The following SNX10 variants were observed in gnomAD, a reference collection of about 807,000 sequenced individuals.
SNX10 encodes sorting nexin 10.
A neutral mutation model predicts 28.5 loss-of-function variants in SNX10; 25 were observed. That is an observed-to-expected ratio of 0.88 (90% CI 0.64 to 1.22). SNX10 has a LOEUF of 1.22. Ranked by LOEUF, SNX10 falls within the 50% of genes most tolerant of loss-of-function variation. The pLI is 0.00. For synonymous variants in SNX10, 62 were observed against 81.4 expected (o/e 0.76, Z 1.28); for missense variants, 223 against 242.6 (o/e 0.92, Z 0.54).
At chr7:26,313,866 G>A in intron 1 of SNX10, among the ~76,000 whole-genome samples, 1 of 152,220 alleles carries the variant, frequency 6.6e-6, no homozygotes, top group South Asian at 2.1e-4. Flanking sequence ...TGCAGTGGAG[G>A]CGCGATCTCG....
At chr7:26,297,339 C>A (rs1352205509) in intron 1 of SNX10, among the ~76,000 whole-genome samples, 1 of 152,166 alleles carries the variant, frequency 6.6e-6, no homozygotes, top group African/African-American at 2.4e-5. Context: ...CGTGACCCGC[C>A]CGTCTCGGCC....
At chr7:26,337,307 A>T (rs528144223) in intron 1 of SNX10, among the ~76,000 whole-genome samples, 6 of 152,226 alleles carry the variant, frequency 3.9e-5, no homozygotes, top group Non-Finnish European at 7.4e-5. Flanking sequence ...GGTCTACACC[A>T]TACTAGTGTA....
intron 1 of SNX10, among the ~76,000 whole-genome samples, chr7:26,326,636 T>A (rs1334632538): frequency 1.3e-5 from 2 of 152,244 alleles, no homozygotes; most frequent in Non-Finnish European, 2.9e-5. Flanking sequence ...ACACATTACC[T>A]GTTAACTTTT....
chr7:26,361,951 C>T (rs558576191), intron 3 of SNX10, among the ~76,000 whole-genome samples: 2 of 152,308 alleles, frequency 1.3e-5, no homozygotes, highest in South Asian at 2.1e-4. Flanking sequence ...GCAATTGACC[C>T]AGATTGTATC....
intron 1 of SNX10, among the ~76,000 whole-genome samples, chr7:26,337,002 G>A (rs954487878): frequency 1.3e-5 from 2 of 152,106 alleles, no homozygotes; most frequent in African/African-American, 2.4e-5. Context: ...AATTTATATT[G>A]TTGCTTTTGA....
chr7:26,312,402 C>G (rs1426634586), intron 1 of SNX10, among the ~76,000 whole-genome samples: 15 of 152,056 alleles, frequency 9.9e-5, no homozygotes. Context: ...ATTAACTTCC[C>G]TAATACAAAA....
chr7:26,335,101 C>T (rs1223183745), intron 1 of SNX10, among the ~76,000 whole-genome samples: 1 of 152,222 alleles, frequency 6.6e-6, no homozygotes, highest in Non-Finnish European at 1.5e-5. Flanking sequence ...CAGGGAACCT[C>T]AGAGATGCTG....
intron 1 of SNX10, among the ~76,000 whole-genome samples, chr7:26,336,938 A>G (rs1359343874): frequency 6.6e-6 from 1 of 152,132 alleles, no homozygotes; most frequent in East Asian, 1.9e-4. Context: ...TAGCACTGAT[A>G]TTTTTTTAGA....
chr7:26,329,983 T>C (rs1236267168), intron 1 of SNX10, among the ~76,000 whole-genome samples: 1 of 151,682 alleles, frequency 6.6e-6, no homozygotes, highest in Non-Finnish European at 1.5e-5. Context: ...AGGGCTCTAG[T>C]GGTTTCATTC....
chr7:26,364,761 T>C lies in SNX10; in HGVS notation c.212+126T>C. 1 of 699,094 alleles carries C rather than the reference T, an allele frequency of 1.4e-6. No homozygotes were observed. Among genetic ancestry groups the C allele is most frequent in the Non-Finnish European group, 2.3e-6 (1 of 429,400 alleles). 43.3% of individuals were successfully genotyped at this position (699,094 alleles called of 1,614,324 possible). ...TTTTGCCTTGATTACAATATGTAGC[T>C]TTAGTTTCTTAGCTACTGCATCTGA... is the stretch of plus-strand genomic sequence containing the variant. On this transcript the variant is annotated intron_variant, in intron 4 of 6. Transcript: ENST00000338523. This position sits in a 1 kb window ranked among gnomAD's most constrained non-coding sequence, Gnocchi z 4.9.
chr7:26,335,815 C>T (rs1429642116), intron 1 of SNX10, among the ~76,000 whole-genome samples: 2 of 144,300 alleles, frequency 1.4e-5, no homozygotes, highest in African/African-American at 2.6e-5. Context: ...GCGATCTCCG[C>T]TCACTGCAAG....
rs1303867577 is a variant in SNX10, at chr7:26,372,209, T to G, written c.524+176T>G. On this transcript the variant is annotated intron_variant, in intron 6 of 6. Transcript: ENST00000338523. The stretch of plus-strand genomic sequence containing the variant: ...GCTGTGACAGCTCATCATAGTAGTC[T>G]TCACACACACCTCCACACTGAATTA... The G allele has an allele frequency of 2.0e-5, 12 of 601,508 alleles. No individual in the cohort carries two copies. The African/African-American group carries it at 2.2e-4, about 11-fold the overall frequency. 37.3% of individuals were successfully genotyped at this position (601,508 alleles called of 1,614,324 possible).
chr7:26,364,318 G>C lies in SNX10; in HGVS notation c.112-217G>C. On this transcript the variant is annotated intron_variant, in intron 3 of 6. Transcript: ENST00000338523. This position sits in a 1 kb window ranked among gnomAD's most constrained non-coding sequence, Gnocchi z 4.9. ...AGTGGCCAGGTCATACCTCACCCTGGGGCAACACTGCTTATTTCCATCATC... is the reference window on the plus strand; with the variant it reads ...AGTGGCCAGGTCATACCTCACCCTGCGGCAACACTGCTTATTTCCATCATC... 1 of 1,267,250 alleles carries C rather than the reference G, an allele frequency of 7.9e-7. No homozygotes were observed. The highest frequency in any genetic ancestry group is 1.0e-6 in the Non-Finnish European group (1 of 1,004,754). The allele number at this position is 1,267,250 out of a possible 1,614,324, so 78.5% of individuals were successfully genotyped here.
At chr7:26,302,711 G>A (rs1786424087) in intron 1 of SNX10, among the ~76,000 whole-genome samples, 1 of 152,164 alleles carries the variant, frequency 6.6e-6, no homozygotes, top group Non-Finnish European at 1.5e-5. Context: ...TACCCACAAA[G>A]GCTGGGCTTG....
intron 1 of SNX10, among the ~76,000 whole-genome samples, chr7:26,305,225 G>A (rs771886476): frequency 6.6e-5 from 10 of 152,000 alleles, no homozygotes; most frequent in Admixed American, 2.6e-4. Flanking sequence ...TCACTTGTCC[G>A]TGAGCTCCAG....
chr7:26,312,329 T>C (rs1786881256), intron 1 of SNX10, among the ~76,000 whole-genome samples: 1 of 152,140 alleles, frequency 6.6e-6, no homozygotes, highest in Non-Finnish European at 1.5e-5. Context: ...GCAACCACCA[T>C]AAGCAAAACA....
intron 5 of SNX10, among the ~76,000 whole-genome samples, chr7:26,368,012 C>A (rs1789365543): frequency 6.6e-6 from 1 of 152,090 alleles, no homozygotes; most frequent in Non-Finnish European, 1.5e-5. Context: ...TCTTTAAGGT[C>A]ATTTGTGAAA....
chr7:26,320,161 T>C (rs1232066586), intron 1 of SNX10, among the ~76,000 whole-genome samples: 1 of 151,752 alleles, frequency 6.6e-6, no homozygotes, highest in Non-Finnish European at 1.5e-5. Flanking sequence ...TTCATATTTT[T>C]AGTAGAGACA....
At chr7:26,326,597 T>C (rs963921039) in intron 1 of SNX10, among the ~76,000 whole-genome samples, 1 of 152,234 alleles carries the variant, frequency 6.6e-6, no homozygotes, top group Non-Finnish European at 1.5e-5. Flanking sequence ...CAAGTCCCAA[T>C]TCTGTCGCTT....
Sources: gnomAD v4.1 joint callset for allele counts (sites outside exome capture counted in the v4.1 genomes callset) on GRCh38, gnomAD v4.1.1 for gene constraint, Gnocchi (gnomAD v3.1) non-coding constraint, MANE v1.5 for transcripts, NCBI Gene and HGNC (gene_info 2026-07-23, HGNC 2026-07-21) for gene names.